NDUFAF2: variants seen among roughly 807,000 people sequenced by gnomAD.
NDUFAF2 encodes NADH dehydrogenase [ubiquinone] 1 alpha subcomplex assembly factor 2.
In NDUFAF2, 13 loss-of-function variants were observed where a neutral mutation model predicts 22.8. The observed-to-expected ratio is 0.57, with a 90% CI of 0.37 to 0.91. The LOEUF (loss-of-function observed/expected upper bound fraction) is 0.91. Ranked by LOEUF, NDUFAF2 falls within the 40% of genes least tolerant of loss-of-function variation. The pLI, the probability that NDUFAF2 is intolerant of heterozygous loss-of-function variation, is 0.01. For missense variants in NDUFAF2, 162 were observed against 195.2 expected (o/e 0.83, Z 1.01); for synonymous variants, 53 against 64.2 (o/e 0.83, Z 0.84).
intron 3 of NDUFAF2, among the ~76,000 whole-genome samples, chr5:61,136,005 T>TCATATATATATATATATATATA (rs1411594766): frequency 1.0e-5 from 1 of 96,052 alleles, no homozygotes; most frequent in African/African-American, 5.5e-5. Flanking sequence ...AAGCCTGTCT[T>TCATATATATATATATATATATA]TATATATATA....
rs558901114 is a variant in NDUFAF2, at chr5:61,071,242, G to T, written c.128-1883G>T. On this transcript the variant is annotated intron_variant, in intron 1 of 3. Transcript: ENST00000296597. ...CCCTTGTCCTACTGTAAATTTATTG[G>T]GTAAGATAAGCAAAAGGTAACTCCT... Among the ~76,000 whole-genome samples, 10 of 152,120 alleles carry T rather than the reference G, an allele frequency of 6.6e-5. No homozygotes were observed. In the South Asian group the frequency reaches 2.1e-3, roughly 32 times the overall value.
intron 1 of NDUFAF2, among the ~76,000 whole-genome samples, chr5:61,050,822 G>A (rs1034264497): frequency 6.6e-6 from 1 of 152,072 alleles, no homozygotes; most frequent in East Asian, 1.9e-4. Context: ...AGTCACAGTA[G>A]GACACTATTT....
intron 1 of NDUFAF2, among the ~76,000 whole-genome samples, chr5:60,954,748 CTT>C (rs75180788): frequency 8.4e-5 from 12 of 142,484 alleles, no homozygotes; most frequent in Admixed American, 7.1e-5. Context: ...CTCTGCTGTC[CTT>C]TTTTTTTTTT....
At chr5:61,075,765 G>T (rs1460446459) in intron 2 of NDUFAF2, among the ~76,000 whole-genome samples, 1 of 152,126 alleles carries the variant, frequency 6.6e-6, no homozygotes, top group Admixed American at 6.5e-5. Flanking sequence ...TCAATTAAAT[G>T]TGAAAAATAA....
chr5:61,038,207 A>G (rs1458570736), intron 1 of NDUFAF2, among the ~76,000 whole-genome samples: 1 of 152,084 alleles, frequency 6.6e-6, no homozygotes, highest in Admixed American at 6.6e-5. Flanking sequence ...GCAATCTATA[A>G]TGTACATAGA....
intron 3 of NDUFAF2, among the ~76,000 whole-genome samples, chr5:61,106,203 G>C (rs1579832626): frequency 6.6e-6 from 1 of 151,370 alleles, no homozygotes; most frequent in African/African-American, 2.4e-5. Context: ...CTGTTTACAT[G>C]GTCTAAAGGC....
chr5:60,990,056 G>A (rs993239677), intron 1 of NDUFAF2, among the ~76,000 whole-genome samples: 9 of 152,160 alleles, frequency 5.9e-5, no homozygotes, highest in Non-Finnish European at 1.0e-4. Context: ...GGCACAGAAA[G>A]ACAAACTTCA....
chr5:61,124,485 T>A (rs955545128), intron 3 of NDUFAF2, among the ~76,000 whole-genome samples: 1 of 152,092 alleles, frequency 6.6e-6, no homozygotes, highest in African/African-American at 2.4e-5. Flanking sequence ...TATTATAACT[T>A]ATAAATCTTT....
intron 2 of NDUFAF2, among the ~76,000 whole-genome samples, chr5:61,079,545 G>A (rs1228544945): frequency 6.6e-6 from 1 of 152,200 alleles, no homozygotes; most frequent in Non-Finnish European, 1.5e-5. Flanking sequence ...ACATTGCGAC[G>A]CAGAATCTCT....
intron 1 of NDUFAF2, among the ~76,000 whole-genome samples, chr5:61,059,114 G>A (rs1031410193): frequency 1.1e-4 from 16 of 151,934 alleles, no homozygotes; most frequent in Admixed American, 3.9e-4. Flanking sequence ...TGAAGTAAAG[G>A]CATTTCTAAG....
chr5:61,106,904 A>G (rs1281271906), intron 3 of NDUFAF2, among the ~76,000 whole-genome samples: 1 of 151,162 alleles, frequency 6.6e-6, no homozygotes, highest in Non-Finnish European at 1.5e-5. Context: ...CTGTGTGTAT[A>G]TATCACATTT....
At chr5:61,054,538 A>C (rs1752063115) in intron 1 of NDUFAF2, among the ~76,000 whole-genome samples, 1 of 152,162 alleles carries the variant, frequency 6.6e-6, no homozygotes, top group Non-Finnish European at 1.5e-5. Flanking sequence ...CGTCACCATT[A>C]GACCAAATCT....
chr5:61,089,730 A>G (rs1037700529), intron 2 of NDUFAF2, among the ~76,000 whole-genome samples: 3 of 152,128 alleles, frequency 2.0e-5, no homozygotes, highest in African/African-American at 7.2e-5. Context: ...CCCTGACAGT[A>G]AATAGACTAG....
At chr5:60,968,213 T>C (rs1451407717) in intron 1 of NDUFAF2, among the ~76,000 whole-genome samples, 1 of 151,846 alleles carries the variant, frequency 6.6e-6, no homozygotes, top group Non-Finnish European at 1.5e-5. Context: ...TGATATTATT[T>C]GTATATTCTC....
chr5:61,122,161 C>T (rs1040731634), intron 3 of NDUFAF2, among the ~76,000 whole-genome samples: 6 of 152,096 alleles, frequency 3.9e-5, no homozygotes, highest in Non-Finnish European at 7.4e-5. Flanking sequence ...CAACTCTTTC[C>T]TGGGTCTCCA....
chr5:61,110,028 A>C (rs535684858), intron 3 of NDUFAF2, among the ~76,000 whole-genome samples: 1 of 152,132 alleles, frequency 6.6e-6, no homozygotes, highest in Admixed American at 6.6e-5. Flanking sequence ...TCATGAAAGG[A>C]TGTTGAATTT....
At chr5:61,065,796 A>G (rs1387903295) in intron 1 of NDUFAF2, among the ~76,000 whole-genome samples, 4 of 152,072 alleles carry the variant, frequency 2.6e-5, no homozygotes, top group Non-Finnish European at 5.9e-5. Context: ...AGGCAAGGAC[A>G]TGCACTCCTG....
At chr5:60,999,134 G>A (rs1049642046) in intron 1 of NDUFAF2, among the ~76,000 whole-genome samples, 6 of 151,930 alleles carry the variant, frequency 3.9e-5, no homozygotes, top group African/African-American at 1.4e-4. Context: ...GTTTTCCACA[G>A]AGCAGTCTTC....
intron 1 of NDUFAF2, among the ~76,000 whole-genome samples, chr5:61,068,167 C>A (rs1320290462): frequency 3.3e-5 from 5 of 152,008 alleles, no homozygotes; most frequent in Non-Finnish European, 5.9e-5. Context: ...TGAAGTTCTG[C>A]CTTAATTTGT....
Sources: gnomAD v4.1 joint callset for allele counts (sites outside exome capture counted in the v4.1 genomes callset) on GRCh38, gnomAD v4.1.1 for gene constraint, MANE v1.5 for transcripts, NCBI Gene and HGNC (gene_info 2026-07-23, HGNC 2026-07-21) for gene names.